MYO1D: variants seen among roughly 807,000 people sequenced by gnomAD.
The protein encoded by MYO1D is myosin ID, also known as unconventional myosin-Id.
MYO1D carries 83 observed loss-of-function variants against 122.0 expected under a neutral mutation model. The observed-to-expected ratio is 0.68, with a 90% CI of 0.57 to 0.82. The LOEUF (loss-of-function observed/expected upper bound fraction) is 0.82. MYO1D is among the 40% of genes least tolerant of loss of function. MYO1D has a pLI of 0.00. For missense variants in MYO1D, 1,157 were observed against 1,269.5 expected (o/e 0.91, Z 1.35); for synonymous variants, 464 against 446.9 (o/e 1.04, Z -0.48).
At chr17:32,681,388 T>A (rs1270137484) in intron 16 of MYO1D, among the ~76,000 whole-genome samples, 1 of 141,452 alleles carries the variant, frequency 7.1e-6, no homozygotes, top group African/African-American at 2.7e-5. Flanking sequence ...TGTGGGCATT[T>A]AGTGCTATAA....
At chr17:32,846,172 C>CAATG (rs1334575828) in intron 1 of MYO1D, among the ~76,000 whole-genome samples, 1 of 152,206 alleles carries the variant, frequency 6.6e-6, no homozygotes, top group Non-Finnish European at 1.5e-5. Flanking sequence ...AACAGGCCTG[C>CAATG]AATGCAATTT....
intron 19 of MYO1D, among the ~76,000 whole-genome samples, chr17:32,641,511 T>C (rs1190860593): frequency 3.9e-5 from 6 of 152,238 alleles, no homozygotes. Context: ...ATCACCACAC[T>C]GTCTTCCACA....
At chr17:32,569,684 C>G (rs2150894842) in intron 21 of MYO1D, among the ~76,000 whole-genome samples, 1 of 152,322 alleles carries the variant, frequency 6.6e-6, no homozygotes, top group South Asian at 2.1e-4. Flanking sequence ...ATTGGTAACT[C>G]TCCTCTCTAG....
chr17:32,848,321 C>A (rs1326958701), intron 1 of MYO1D, among the ~76,000 whole-genome samples: 1 of 152,054 alleles, frequency 6.6e-6, no homozygotes, highest in Non-Finnish European at 1.5e-5. Flanking sequence ...AAATTCACAT[C>A]GAAGAATTAG....
intron 16 of MYO1D, chr17:32,686,176 A>G (rs2089003765): frequency 6.6e-6 from 1 of 152,270 alleles, no homozygotes; most frequent in East Asian, 1.9e-4. Context: ...TGCATATATG[A>G]TTAAGTTAAG....
intron 21 of MYO1D, among the ~76,000 whole-genome samples, chr17:32,581,211 G>A (rs2087335542): frequency 6.6e-6 from 1 of 152,140 alleles, no homozygotes; most frequent in Non-Finnish European, 1.5e-5. Context: ...AATCTAAGCT[G>A]TCAAATTTAC....
At chr17:32,561,550 C>T (rs778320536) in intron 21 of MYO1D, among the ~76,000 whole-genome samples, 9 of 151,314 alleles carry the variant, frequency 5.9e-5, no homozygotes, top group South Asian at 2.1e-4. Flanking sequence ...ATTAGCTGGG[C>T]GTGGTGGTGC....
chr17:32,826,892 G>GT (rs1301796952), intron 1 of MYO1D, among the ~76,000 whole-genome samples: 30 of 152,210 alleles, frequency 2.0e-4, no homozygotes, highest in African/African-American at 7.2e-4. Flanking sequence ...TGCTATATCA[G>GT]TATATTAGGA....
At chr17:32,586,689 G>T (rs2087389126) in intron 21 of MYO1D, among the ~76,000 whole-genome samples, 1 of 152,068 alleles carries the variant, frequency 6.6e-6, no homozygotes, top group Non-Finnish European at 1.5e-5. Context: ...TTAGAATTTT[G>T]CTGAAAATTT....
chr17:32,538,342 GTGCATGATCATAGCTCACTGTAACCT>G (rs1910724134), intron 21 of MYO1D, among the ~76,000 whole-genome samples: 1 of 150,742 alleles, frequency 6.6e-6, no homozygotes, highest in East Asian at 1.9e-4. Flanking sequence ...GTGCAGTGGC[GTGCATGATCATAGCTCACTGTAACCT>G]TGAGCTCCTG....
intron 15 of MYO1D, among the ~76,000 whole-genome samples, chr17:32,716,237 C>T (rs1337325098): frequency 6.6e-6 from 1 of 152,176 alleles, no homozygotes; most frequent in Non-Finnish European, 1.5e-5. Flanking sequence ...CCTTCTCATC[C>T]TTTAGTCTTT....
intron 21 of MYO1D, among the ~76,000 whole-genome samples, chr17:32,554,574 G>A (rs1020822921): frequency 1.3e-5 from 2 of 152,216 alleles, no homozygotes; most frequent in African/African-American, 2.4e-5. Context: ...TCATGTAAAG[G>A]CTAAAGGAAA....
intron 1 of MYO1D, among the ~76,000 whole-genome samples, chr17:32,858,555 T>A (rs2091045564): frequency 6.6e-6 from 1 of 152,230 alleles, no homozygotes. Context: ...AGGTTATGCA[T>A]CTTTAGCAGG....
At chr17:32,683,432 G>T (rs2150968585) in intron 16 of MYO1D, among the ~76,000 whole-genome samples, 1 of 152,250 alleles carries the variant, frequency 6.6e-6, no homozygotes, top group East Asian at 1.9e-4. Context: ...TTTTCGGTGT[G>T]GATGTCCTTT....
At chr17:32,705,759 A>G (rs1279792901) in intron 16 of MYO1D, among the ~76,000 whole-genome samples, 2 of 152,200 alleles carry the variant, frequency 1.3e-5, no homozygotes, top group Non-Finnish European at 2.9e-5. Flanking sequence ...TGTAGCTCCC[A>G]TAATTCCCAC....
intron 16 of MYO1D, among the ~76,000 whole-genome samples, chr17:32,669,248 C>T (rs1295881777): frequency 1.3e-5 from 2 of 152,142 alleles, no homozygotes; most frequent in Non-Finnish European, 1.5e-5. Flanking sequence ...AGAAAAGTGC[C>T]CTCTCCTTGT....
rs577861604 is a variant in MYO1D, at chr17:32,650,411, C to G, written c.2595+3432G>C. On this transcript the variant is annotated intron_variant, in intron 19 of 21. Transcript: ENST00000318217. ...TTTCTTGTGCTTAGTGTTTGTTGAGCTTCTTGGATCTGTGCATTTAACATT... is the reference window on the plus strand; with the variant it reads ...TTTCTTGTGCTTAGTGTTTGTTGAGGTTCTTGGATCTGTGCATTTAACATT... Among the ~76,000 whole-genome samples the G allele has an allele frequency of 8.5e-5, 13 of 152,184 alleles. No individual in the cohort carries two copies. In the East Asian group the frequency reaches 2.5e-3, roughly 29 times the overall value.
intron 1 of MYO1D, among the ~76,000 whole-genome samples, chr17:32,853,601 C>G (rs1480522307): frequency 6.6e-6 from 1 of 152,186 alleles, no homozygotes; most frequent in Non-Finnish European, 1.5e-5. Context: ...CTGTCTTTCC[C>G]TATAGACCTG....
intron 1 of MYO1D, 83 bp from the exon 2 acceptor site, chr17:32,780,867 AG>A: frequency 7.5e-7 from 1 of 1,325,874 alleles, no homozygotes. Flanking sequence ...CTTATTTCCA[AG>A]GAAGTCCAAA....
Sources: allele counts gnomAD v4.1 joint callset (sites outside exome capture counted in the v4.1 genomes callset), GRCh38; gene constraint gnomAD v4.1.1; transcripts MANE v1.5; gene names NCBI Gene and HGNC (gene_info 2026-07-23, HGNC 2026-07-21).